The following RTN4RL1 variants were observed in gnomAD, a reference collection of about 807,000 sequenced individuals.
RTN4RL1 encodes the protein reticulon 4 receptor like 1, also known as reticulon-4 receptor-like 1.
In RTN4RL1, 7 loss-of-function variants were observed where a neutral mutation model predicts 25.6. The ratio of observed to expected loss-of-function variants is 0.27; its 90% CI spans 0.16 to 0.51. RTN4RL1 has a LOEUF of 0.51. RTN4RL1 is among the 20% of genes least tolerant of loss of function. The pLI is 0.97. For synonymous variants in RTN4RL1, 297 were observed against 288.2 expected (o/e 1.03, Z -0.31); for missense variants, 500 against 615.6 (o/e 0.81, Z 1.99).
intron 1 of RTN4RL1, among the ~76,000 whole-genome samples, chr17:1,958,395 T>C (rs1915831891): frequency 6.6e-6 from 1 of 151,806 alleles, no homozygotes; most frequent in Admixed American, 6.6e-5. Flanking sequence ...ATGAGCCGTG[T>C]CTTTGCTCCC....
chr17:1,953,874 T>TA (rs1431414418), intron 1 of RTN4RL1, among the ~76,000 whole-genome samples: 1 of 152,232 alleles, frequency 6.6e-6, no homozygotes, highest in Non-Finnish European at 1.5e-5. Flanking sequence ...CATTAAATTT[T>TA]TTTTAAAGGA....
chr17:2,006,203 G>C (rs558153600), intron 1 of RTN4RL1, among the ~76,000 whole-genome samples: 1 of 151,500 alleles, frequency 6.6e-6, no homozygotes, highest in East Asian at 1.9e-4. Flanking sequence ...TGTGGCCCAG[G>C]CTGGAGTGCA....
At chr17:1,962,236 G>A (rs2066768034) in intron 1 of RTN4RL1, among the ~76,000 whole-genome samples, 1 of 149,312 alleles carries the variant, frequency 6.7e-6, no homozygotes, top group South Asian at 2.1e-4. Context: ...GCCATGGTGC[G>A]TTACTGCACT....
chr17:1,954,636 C>A (rs901668323), intron 1 of RTN4RL1, among the ~76,000 whole-genome samples: 7 of 152,140 alleles, frequency 4.6e-5, no homozygotes, highest in African/African-American at 1.2e-4. Flanking sequence ...GATCCACCCG[C>A]CTCGGCCTCC....
At chr17:2,002,310 T>G (rs946609050) in intron 1 of RTN4RL1, among the ~76,000 whole-genome samples, 1 of 151,108 alleles carries the variant, frequency 6.6e-6, no homozygotes, top group Non-Finnish European at 1.5e-5. Flanking sequence ...ATTTTTTTTT[T>G]GAGACGGAGT....
At chr17:1,985,882 C>T (rs1057309632) in intron 1 of RTN4RL1, among the ~76,000 whole-genome samples, 1 of 152,130 alleles carries the variant, frequency 6.6e-6, no homozygotes, top group Admixed American at 6.5e-5. Flanking sequence ...CCCAGGCCGG[C>T]CTCCAGAGCC....
At chr17:1,989,432 C>T (rs999646668) in intron 1 of RTN4RL1, among the ~76,000 whole-genome samples, 5 of 151,806 alleles carry the variant, frequency 3.3e-5, no homozygotes, top group Non-Finnish European at 5.9e-5. Context: ...CTTAATGGGA[C>T]GAGAAGGCTC....
At chr17:1,955,745 G>C (rs977316396) in intron 1 of RTN4RL1, among the ~76,000 whole-genome samples, 3 of 151,534 alleles carry the variant, frequency 2.0e-5, no homozygotes, top group African/African-American at 7.3e-5. Context: ...CACCATGCCC[G>C]GCGAATTTTT....
chr17:1,995,894 C>T (rs2066927476), intron 1 of RTN4RL1, among the ~76,000 whole-genome samples: 1 of 152,234 alleles, frequency 6.6e-6, no homozygotes, highest in Non-Finnish European at 1.5e-5. Flanking sequence ...GGCTGCAGAG[C>T]CAGCGTCTCC....
intron 1 of RTN4RL1, chr17:2,020,453 A>T (rs1256355902): frequency 3.3e-5 from 5 of 152,132 alleles, no homozygotes; most frequent in Non-Finnish European, 7.3e-5. Context: ...CTGTGGATTC[A>T]AGTGAAGCAA....
At chr17:1,971,845 C>T (rs2066821130) in intron 1 of RTN4RL1, among the ~76,000 whole-genome samples, 1 of 151,784 alleles carries the variant, frequency 6.6e-6, no homozygotes, top group Non-Finnish European at 1.5e-5. Flanking sequence ...GCCTGTAGTC[C>T]CAGCTACTCG....
At position 2,015,527 on chromosome 17, in the gene RTN4RL1, G is replaced by A. The variant is rs371580097; in HGVS notation, c.13+9326C>T. On this transcript the variant is annotated intron_variant, in intron 1 of 1. Transcript: ENST00000331238. Reference sequence around the variant, plus strand: ...CAAGAGGAGGGAAGCTGGCCAAGACGGCCGAGAGGGGCAGCCGCAGAACCA... The same window carrying A: ...CAAGAGGAGGGAAGCTGGCCAAGACAGCCGAGAGGGGCAGCCGCAGAACCA... Among the ~76,000 whole-genome samples, 126 of 152,304 alleles carry A rather than the reference G, an allele frequency of 8.3e-4. 1 individual carries two copies. The highest frequency in any genetic ancestry group is 7.0e-3 in the South Asian group (34 of 4,824).
At chr17:1,964,922 G>A (rs1319099334) in intron 1 of RTN4RL1, among the ~76,000 whole-genome samples, 2 of 149,146 alleles carry the variant, frequency 1.3e-5, no homozygotes, top group Admixed American at 6.7e-5. Flanking sequence ...CTGAGTAACT[G>A]GGACTACAGG....
chr17:2,001,054 C>CCT (rs1555520601), intron 1 of RTN4RL1, among the ~76,000 whole-genome samples: 3 of 144,348 alleles, frequency 2.1e-5, no homozygotes, highest in Admixed American at 6.9e-5. Flanking sequence ...TTTTCATTTA[C>CCT]TTTTTTTTTT....
chr17:2,001,927 T>TGGGGTAGGGG (rs2066960172), intron 1 of RTN4RL1, among the ~76,000 whole-genome samples: 2 of 146,194 alleles, frequency 1.4e-5, no homozygotes, highest in Non-Finnish European at 3.0e-5. Context: ...ACTTCAGCCC[T>TGGGGTAGGGG]GGGGGAGGGG....
At chr17:1,996,181 G>T (rs928019788) in intron 1 of RTN4RL1, among the ~76,000 whole-genome samples, 1 of 152,128 alleles carries the variant, frequency 6.6e-6, no homozygotes, top group African/African-American at 2.4e-5. Flanking sequence ...TTCCTTACTC[G>T]GCTTTCTCCC....
intron 1 of RTN4RL1, among the ~76,000 whole-genome samples, chr17:1,999,719 G>T (rs965816411): frequency 4.1e-4 from 62 of 152,146 alleles, no homozygotes; most frequent in African/African-American, 1.5e-3. Context: ...CTTGCGTGCT[G>T]ACTGCAGGCG....
At chr17:1,980,365 C>T (rs1432617074) in intron 1 of RTN4RL1, among the ~76,000 whole-genome samples, 1 of 151,982 alleles carries the variant, frequency 6.6e-6, no homozygotes, top group Non-Finnish European at 1.5e-5. Context: ...GCCCCCATGC[C>T]TGGCCTGATA....
At chr17:2,002,083 G>T (rs1045667476) in intron 1 of RTN4RL1, among the ~76,000 whole-genome samples, 4 of 151,930 alleles carry the variant, frequency 2.6e-5, no homozygotes, top group Non-Finnish European at 5.9e-5. Flanking sequence ...GAGGTTGGGG[G>T]ATGATGAGGA....
Sources: gnomAD v4.1 joint callset for allele counts (sites outside exome capture counted in the v4.1 genomes callset) on GRCh38, gnomAD v4.1.1 for gene constraint, MANE v1.5 for transcripts, NCBI Gene and HGNC (gene_info 2026-07-23, HGNC 2026-07-21) for gene names.